The following SCAI variants were observed in gnomAD, a reference collection of about 807,000 sequenced individuals.
SCAI encodes the protein suppressor of cancer cell invasion.
Under a neutral mutation model 92.2 loss-of-function variants are expected in SCAI, and 24 were observed. The observed-to-expected ratio is 0.26, with a 90% CI of 0.19 to 0.37. SCAI has a LOEUF of 0.37. SCAI is among the 10% of genes least tolerant of loss of function. The pLI is 1.00. For missense variants in SCAI, 450 were observed against 736.2 expected, an observed-to-expected ratio of 0.61 and a Z score of 4.50; for synonymous variants, 261 against 258.6, an observed-to-expected ratio of 1.01 and a Z score of -0.09.
chr9:124,982,399 C>T (rs7026288), intron 14 of SCAI, among the ~76,000 whole-genome samples: 27,951 of 151,982 alleles, frequency 0.18, 3,024 homozygotes, highest in Non-Finnish European at 0.23. Flanking sequence ...GGGCCGGGCA[C>T]GGTGGCTCAC....
intron 2 of SCAI, among the ~76,000 whole-genome samples, chr9:125,069,418 T>C (rs1209264405): frequency 1.4e-5 from 2 of 146,588 alleles, no homozygotes; most frequent in Non-Finnish European, 3.0e-5. Flanking sequence ...CTGGGGTTCA[T>C]GCCATTCTTC....
At chr9:125,115,417 G>C (rs1835024942) in intron 2 of SCAI, among the ~76,000 whole-genome samples, 1 of 140,692 alleles carries the variant, frequency 7.1e-6, no homozygotes, top group Admixed American at 7.2e-5. Flanking sequence ...ATGTACACCA[G>C]AGTACACTTT....
intron 2 of SCAI, among the ~76,000 whole-genome samples, chr9:125,117,263 T>C (rs1284085624): frequency 1.3e-5 from 2 of 152,230 alleles, no homozygotes; most frequent in African/African-American, 2.4e-5. Context: ...ATTAGTCTTA[T>C]ATTCTTTCAT....
Position 124,968,664 on chromosome 9 carries a change from C to G in SCAI, c.1674+2706G>C, listed in dbSNP as rs537344248. ...TTCATAGGTGGTCTCATCTACAGAG[C>G]CTGGGTGGCCCAAAGTTCCCGATTT... On this transcript the variant is annotated intron_variant, in intron 17 of 17. Coordinates refer to ENST00000336505, the MANE Select transcript of SCAI (RefSeq NM_001144877.3). 8 of 1,224,000 alleles carry G rather than the reference C, an allele frequency of 6.5e-6. No homozygotes were observed. In the African/African-American group the frequency reaches 1.2e-4, roughly 18 times the overall value. The allele number at this position is 1,224,000 out of a possible 1,614,324, so 75.8% of individuals were successfully genotyped here.
intron 17 of SCAI, among the ~76,000 whole-genome samples, chr9:124,957,855 G>C (rs1831353833): frequency 6.6e-6 from 1 of 151,734 alleles, no homozygotes; most frequent in Non-Finnish European, 1.5e-5. Flanking sequence ...GCTAATTTTT[G>C]TATTTTTAGT....
chr9:125,108,898 G>A (rs1564417068), intron 2 of SCAI, among the ~76,000 whole-genome samples: 1 of 152,240 alleles, frequency 6.6e-6, no homozygotes, highest in African/African-American at 2.4e-5. Context: ...GATGACGATG[G>A]CGGTTTTGTC....
Position 125,143,365 on chromosome 9 carries a change from C to A in SCAI, c.53+20G>T. ...GCCCCCACCCCATCCCCAACCCCGG[C>A]CTCCACCCAGCCCCCGCACCTGGGG... On this transcript the variant is annotated intron_variant, in intron 1 of 17. Coordinates refer to ENST00000336505, the MANE Select transcript of SCAI (RefSeq NM_001144877.3). 7.5e-7 allele frequency: 1 copy of A among 1,329,766 alleles called. No individual in the cohort carries two copies. The highest frequency in any genetic ancestry group is 1.9e-5 in the South Asian group (1 of 53,324). 82.4% of individuals were successfully genotyped at this position (1,329,766 alleles called of 1,614,324 possible).
chr9:124,968,420 A>C, intron 17 of SCAI: 4 of 1,136,682 alleles, frequency 3.5e-6, no homozygotes, highest in Non-Finnish European at 5.4e-6. Context: ...AGTTTTTCTC[A>C]GTCCAGTCAT....
chr9:125,122,627 CT>C (rs1835178504), intron 2 of SCAI, among the ~76,000 whole-genome samples: 2 of 141,742 alleles, frequency 1.4e-5, no homozygotes, highest in African/African-American at 5.2e-5. Flanking sequence ...TGGTTGTGCA[CT>C]GTGCAGTGGC....
At chr9:125,064,588 G>A (rs1833840207) in intron 2 of SCAI, among the ~76,000 whole-genome samples, 1 of 152,164 alleles carries the variant, frequency 6.6e-6, no homozygotes, top group South Asian at 2.1e-4. Context: ...GCTCATACCT[G>A]TAATCTCAGC....
intron 3 of SCAI, among the ~76,000 whole-genome samples, chr9:125,032,195 A>ATATATATTTTT (rs1177865840): frequency 9.4e-4 from 93 of 99,420 alleles, no homozygotes; most frequent in South Asian, 1.3e-3. Context: ...ATATATATAT[A>ATATATATTTTT]TTTTTTTTTT....
rs1831226003 is a variant in SCAI at position 124,950,955 on chromosome 9, G to A, written c.*1852C>T. The A allele has an allele frequency of 6.6e-6, 1 of 151,584 alleles. No homozygotes were observed. Among genetic ancestry groups the A allele is most frequent in the Non-Finnish European group, 1.5e-5 (1 of 67,976 alleles). The allele number at this position is 151,584 out of a possible 1,614,324, so 9.4% of individuals were successfully genotyped here. On this transcript the variant is annotated 3_prime_UTR_variant, in exon 18 of 18. Transcript: ENST00000336505. ...TGCCTGTAGTCCCAGCTACTTGGGA[G>A]GCTGAGGTGAGAAGATTGCCTGAAT...
chr9:125,058,317 C>G (rs1833711159), intron 2 of SCAI, among the ~76,000 whole-genome samples: 1 of 151,926 alleles, frequency 6.6e-6, no homozygotes, highest in African/African-American at 2.4e-5. Context: ...AGTTTGAGAC[C>G]AGCCTGGGCA....
At chr9:124,956,989 A>AT (rs35575491) in intron 17 of SCAI, among the ~76,000 whole-genome samples, 74,527 of 141,200 alleles carry the variant, frequency 0.53, 19,835 homozygotes, top group South Asian at 0.57. Context: ...GGTCAACTGT[A>AT]TTTTTTTTTT....
In SCAI at chr9:125,027,835, C is replaced by T. The variant is rs187327202; in HGVS notation, c.413+557G>A. Among the ~76,000 whole-genome samples the T allele has an allele frequency of 4.9e-3, 749 of 152,282 alleles. 8 individuals carry two copies. Among genetic ancestry groups the T allele is most frequent in the Non-Finnish European group, 6.7e-3 (455 of 68,012 alleles). On this transcript the variant is annotated intron_variant, in intron 5 of 17. Transcript: ENST00000336505. ...AGCCATTTTATTGCCTTTTAGATTA[C>T]AAATGGTCCAAGCCTTTTTTATTGT...
intron 2 of SCAI, among the ~76,000 whole-genome samples, chr9:125,134,427 C>T (rs1017636008): frequency 5.3e-5 from 8 of 152,156 alleles, no homozygotes; most frequent in African/African-American, 1.9e-4. Context: ...TCAAATGTTT[C>T]TTAAACAAAT....
At chr9:125,047,221 A>G (rs1351891624) in intron 3 of SCAI, among the ~76,000 whole-genome samples, 1 of 152,144 alleles carries the variant, frequency 6.6e-6, no homozygotes, top group Non-Finnish European at 1.5e-5. Flanking sequence ...TTGCGTCCTT[A>G]GAAGAAGACA....
chr9:125,078,535 A>G (rs1295914751), intron 2 of SCAI, among the ~76,000 whole-genome samples: 3 of 152,192 alleles, frequency 2.0e-5, no homozygotes, highest in Non-Finnish European at 4.4e-5. Context: ...TCTCAAAAAA[A>G]GCCAACATTA....
intron 14 of SCAI, among the ~76,000 whole-genome samples, chr9:124,978,807 G>A (rs1432394384): frequency 6.6e-6 from 1 of 151,804 alleles, no homozygotes; most frequent in Non-Finnish European, 1.5e-5. Flanking sequence ...ATAATAAACA[G>A]CTATAAAAAA....
Sources: gnomAD v4.1 joint callset for allele counts (sites outside exome capture counted in the v4.1 genomes callset) on GRCh38, gnomAD v4.1.1 for gene constraint, MANE v1.5 for transcripts, NCBI Gene and HGNC (gene_info 2026-07-23, HGNC 2026-07-21) for gene names.